Variants in PPP1R12B observed in about 807,000 individuals in gnomAD.
The protein encoded by PPP1R12B is myosin phosphatase target subunit 2.
Under a neutral mutation model 126.1 loss-of-function variants are expected in PPP1R12B, and 76 were observed. The ratio of observed to expected loss-of-function variants is 0.60; its 90% CI spans 0.50 to 0.73. The LOEUF (loss-of-function observed/expected upper bound fraction) is 0.73. PPP1R12B is among the 30% of genes least tolerant of loss of function. PPP1R12B has a pLI of 0.00. For synonymous variants in PPP1R12B, 356 were observed against 434.7 expected, an observed-to-expected ratio of 0.82 and a Z score of 2.25; for missense variants, 1,052 against 1,205.1, an observed-to-expected ratio of 0.87 and a Z score of 1.88.
chr1:202,436,078 C>T (rs991756993), intron 9 of PPP1R12B, among the ~76,000 whole-genome samples: 4 of 151,944 alleles, frequency 2.6e-5, no homozygotes, highest in African/African-American at 7.2e-5. Context: ...TGGGCAACAT[C>T]GGAAAACCCC....
intron 1 of PPP1R12B, among the ~76,000 whole-genome samples, chr1:202,395,990 A>G (rs1456672883): frequency 1.3e-5 from 2 of 152,008 alleles, no homozygotes; most frequent in Non-Finnish European, 2.9e-5. Context: ...CAACTCACTC[A>G]TTTCTCTGGA....
At chr1:202,472,525 C>A (rs1676063447) in intron 13 of PPP1R12B, among the ~76,000 whole-genome samples, 1 of 152,138 alleles carries the variant, frequency 6.6e-6, no homozygotes, top group Non-Finnish European at 1.5e-5. Flanking sequence ...TTGTTCTGAC[C>A]AGTGAACTAA....
At chr1:202,571,557 C>T (rs1436582258) in intron 23 of PPP1R12B, among the ~76,000 whole-genome samples, 4 of 152,172 alleles carry the variant, frequency 2.6e-5, no homozygotes, top group African/African-American at 4.8e-5. Context: ...ATCGCTCAAG[C>T]GATTCTCCTG....
At chr1:202,453,650 G>A (rs537958941) in intron 13 of PPP1R12B, among the ~76,000 whole-genome samples, 38 of 150,982 alleles carry the variant, frequency 2.5e-4, no homozygotes, top group African/African-American at 9.0e-4. Flanking sequence ...AATACAAATC[G>A]AACTTTTTAT....
chr1:202,499,613 T>C (rs1027551277), intron 18 of PPP1R12B, among the ~76,000 whole-genome samples: 2 of 152,250 alleles, frequency 1.3e-5, no homozygotes, highest in South Asian at 2.1e-4. Context: ...CTTTATCTTA[T>C]GCCTCCAGTC....
intron 9 of PPP1R12B, among the ~76,000 whole-genome samples, chr1:202,436,910 CT>C (rs1670900260): frequency 6.6e-6 from 1 of 151,220 alleles, no homozygotes; most frequent in African/African-American, 2.4e-5. Flanking sequence ...CTAAAGCTCT[CT>C]AAACTGCTAC....
chr1:202,380,289 C>T (rs1662026044), intron 1 of PPP1R12B, among the ~76,000 whole-genome samples: 1 of 151,988 alleles, frequency 6.6e-6, no homozygotes, highest in South Asian at 2.1e-4. Context: ...TTTAGCAAAC[C>T]ACAGGTGATA....
intron 9 of PPP1R12B, 80 bp downstream of exon 9, chr1:202,434,848 A>C: frequency 6.4e-6 from 10 of 1,562,134 alleles, no homozygotes; most frequent in Non-Finnish European, 8.6e-6. Context: ...TTAAAGGTAC[A>C]TTCTTGCAAA....
At chr1:202,394,256 G>C (rs1368041634) in intron 1 of PPP1R12B, among the ~76,000 whole-genome samples, 1 of 151,662 alleles carries the variant, frequency 6.6e-6, no homozygotes, top group East Asian at 1.9e-4. Flanking sequence ...TCGCAGCTGA[G>C]ATCATACCAC....
intron 10 of PPP1R12B, chr1:202,439,752 G>T (rs1365023510): frequency 7.5e-6 from 4 of 534,222 alleles, no homozygotes; most frequent in South Asian, 2.0e-5. Flanking sequence ...GGAGGAATGC[G>T]CAGAGTGAGG....
rs1655747189 is a variant in PPP1R12B, at chr1:202,350,533, T to C, written c.291+1391T>C. ...ACTTAATAAGGAGCTGAATGTAAAA[T>C]GAGATAAAAGCTAAGAGAACCACAT... is the stretch of plus-strand genomic sequence containing the variant. On this transcript the variant is annotated intron_variant, in intron 1 of 23. Coordinates refer to ENST00000608999, the MANE Select transcript of PPP1R12B (RefSeq NM_002481.4). Among the ~76,000 whole-genome samples, 3 of 152,210 alleles carry C rather than the reference T, an allele frequency of 2.0e-5. No homozygotes were observed. In the South Asian group the frequency reaches 6.2e-4, roughly 32 times the overall value.
At chr1:202,467,401 T>A (rs1279757532) in intron 13 of PPP1R12B, among the ~76,000 whole-genome samples, 1 of 147,092 alleles carries the variant, frequency 6.8e-6, no homozygotes, top group Non-Finnish European at 1.5e-5. Context: ...CAGGCCCCAG[T>A]GTGTGATGTT....
intron 18 of PPP1R12B, among the ~76,000 whole-genome samples, chr1:202,529,397 CA>C (rs1683699963): frequency 6.6e-6 from 1 of 151,648 alleles, no homozygotes. Context: ...GGATCAACTG[CA>C]AATTCACAAC....
At chr1:202,540,642 T>C (rs1264853468) in intron 18 of PPP1R12B, among the ~76,000 whole-genome samples, 1 of 152,232 alleles carries the variant, frequency 6.6e-6, no homozygotes, top group African/African-American at 2.4e-5. Flanking sequence ...GAAAAACCTC[T>C]GAAATGGCCA....
At chr1:202,537,727 A>G (rs1263113052) in intron 18 of PPP1R12B, among the ~76,000 whole-genome samples, 1 of 152,204 alleles carries the variant, frequency 6.6e-6, no homozygotes, top group African/African-American at 2.4e-5. Context: ...TGTCTGATCA[A>G]GTTGTTCTTG....
At chr1:202,378,962 AT>A (rs1384143230) in intron 1 of PPP1R12B, among the ~76,000 whole-genome samples, 1 of 151,870 alleles carries the variant, frequency 6.6e-6, no homozygotes, top group Non-Finnish European at 1.5e-5. Context: ...CTTTGCCCAG[AT>A]TTCTACCCCA....
chr1:202,525,268 T>C (rs1028371474), intron 18 of PPP1R12B, among the ~76,000 whole-genome samples: 5 of 152,168 alleles, frequency 3.3e-5, no homozygotes, highest in African/African-American at 1.2e-4. Context: ...TCTGCCAAAA[T>C]GCTGTGGAGT....
intron 12 of PPP1R12B, among the ~76,000 whole-genome samples, chr1:202,447,489 T>C (rs1433505533): frequency 3.3e-5 from 5 of 152,234 alleles, no homozygotes; most frequent in East Asian, 1.9e-4. Context: ...CCACTATCTC[T>C]ATTTTATCAA....
intron 13 of PPP1R12B, among the ~76,000 whole-genome samples, chr1:202,449,623 T>G (rs550248955): frequency 6.6e-6 from 1 of 152,098 alleles, no homozygotes; most frequent in South Asian, 2.1e-4. Flanking sequence ...CTCTGAGCAG[T>G]CAGTTTTTGG....
Sources: gnomAD v4.1 joint callset for allele counts (sites outside exome capture counted in the v4.1 genomes callset) on GRCh38, gnomAD v4.1.1 for gene constraint, MANE v1.5 for transcripts, NCBI Gene and HGNC (gene_info 2026-07-23, HGNC 2026-07-21) for gene names.